SYT9: variants seen among roughly 807,000 people sequenced by gnomAD.
SYT9 encodes synaptotagmin-9.
SYT9 carries 22 observed loss-of-function variants against 48.4 expected under a neutral mutation model. The observed-to-expected ratio is 0.45, with a 90% CI of 0.32 to 0.65. The LOEUF is 0.65. Ranked by LOEUF, SYT9 falls within the 30% of genes least tolerant of loss-of-function variation. The pLI is 0.03. For missense variants in SYT9, 577 were observed against 622.0 expected (o/e 0.93, Z 0.77); for synonymous variants, 265 against 245.0 (o/e 1.08, Z -0.76).
intron 3 of SYT9, among the ~76,000 whole-genome samples, chr11:7,355,096 A>G (rs1044242830): frequency 1.3e-5 from 2 of 152,206 alleles, no homozygotes; most frequent in African/African-American, 4.8e-5. Context: ...GTACGTTTCC[A>G]TAGGTTTTCT....
chr11:7,331,547 C>CA (rs57712698), intron 3 of SYT9, among the ~76,000 whole-genome samples: 8 of 149,998 alleles, frequency 5.3e-5, no homozygotes, highest in Admixed American at 2.6e-4. Context: ...CCGTTTCTAC[C>CA]AAAAAAAAAT....
At chr11:7,446,962 G>A (rs763227312) in intron 6 of SYT9, among the ~76,000 whole-genome samples, 1 of 152,242 alleles carries the variant, frequency 6.6e-6, no homozygotes, top group Non-Finnish European at 1.5e-5. Flanking sequence ...CGCCAGGGCT[G>A]TCCACCTCAG....
chr11:7,323,157 G>A (rs1254459569), intron 3 of SYT9, among the ~76,000 whole-genome samples: 1 of 151,886 alleles, frequency 6.6e-6, no homozygotes, highest in Non-Finnish European at 1.5e-5. Context: ...AATCTTTCTT[G>A]TATGTGTCTC....
At chr11:7,425,835 T>A (rs1364986729) in intron 6 of SYT9, among the ~76,000 whole-genome samples, 1 of 152,208 alleles carries the variant, frequency 6.6e-6, no homozygotes, top group Non-Finnish European at 1.5e-5. Context: ...CTGCAATATC[T>A]TGCCCATATG....
intron 3 of SYT9, among the ~76,000 whole-genome samples, chr11:7,368,916 C>A (rs1177848818): frequency 6.6e-6 from 1 of 151,982 alleles, no homozygotes; most frequent in South Asian, 2.1e-4. Flanking sequence ...AAGTCTTTGC[C>A]ATGGTGAATA....
At chr11:7,272,653 C>T (rs760269475) in intron 1 of SYT9, among the ~76,000 whole-genome samples, 5 of 152,108 alleles carry the variant, frequency 3.3e-5, no homozygotes, top group African/African-American at 7.2e-5. Flanking sequence ...GTGGAGGATA[C>T]AGACAAGTAA....
intron 3 of SYT9, among the ~76,000 whole-genome samples, chr11:7,351,262 G>A (rs1278582277): frequency 3.9e-5 from 6 of 152,188 alleles, no homozygotes; most frequent in South Asian, 2.1e-4. Context: ...TCTGAATGTC[G>A]TTTGGGGCAG....
chr11:7,303,415 A>G, intron 2 of SYT9, 25 bp downstream of exon 2: 1 of 1,564,618 alleles, frequency 6.4e-7, no homozygotes, highest in Non-Finnish European at 8.7e-7. Context: ...CTCCTTTCTG[A>G]ATGCAAGGAA....
intron 3 of SYT9, among the ~76,000 whole-genome samples, chr11:7,394,871 G>T (rs959111787): frequency 6.6e-6 from 1 of 151,946 alleles, no homozygotes; most frequent in East Asian, 1.9e-4. Flanking sequence ...TGGGTATGTT[G>T]TTTCTCCGTT....
At chr11:7,331,955 G>A (rs1849541894) in intron 3 of SYT9, among the ~76,000 whole-genome samples, 1 of 152,178 alleles carries the variant, frequency 6.6e-6, no homozygotes, top group African/African-American at 2.4e-5. Context: ...CTAAGAGGTG[G>A]ATAGTAAAAT....
rs967642304 is a variant in SYT9 at position 7,252,915 on chromosome 11, C to A, written c.145+584C>A. On this transcript the variant is annotated intron_variant, in intron 1 of 6. Coordinates refer to ENST00000318881, the MANE Select transcript of SYT9 (RefSeq NM_175733.4). This position sits in a 1 kb window ranked among gnomAD's most constrained non-coding sequence, Gnocchi z 6.3. ...CAGACGGGCCTGAACCCGTTCCCGG[C>A]GGGTCGCACGGCATGGAGGTGGCCT... 2.0e-5 allele frequency among the ~76,000 whole-genome samples: 3 copies of A among 152,340 alleles called. 1 individual carries two copies. Among genetic ancestry groups the A allele is most frequent in the Admixed American group, 1.3e-4 (2 of 15,308 alleles).
chr11:7,389,756 T>C (rs902266472), intron 3 of SYT9, among the ~76,000 whole-genome samples: 10 of 152,046 alleles, frequency 6.6e-5, no homozygotes, highest in African/African-American at 2.4e-4. Flanking sequence ...GTTATCCAGA[T>C]AACTTTTGGA....
intron 1 of SYT9, among the ~76,000 whole-genome samples, chr11:7,277,300 G>A (rs556156722): frequency 1.4e-4 from 21 of 152,140 alleles, no homozygotes; most frequent in African/African-American, 4.8e-4. Flanking sequence ...TCAAGTTATG[G>A]CATAAAATTA....
rs191821462 is a variant in SYT9, at chr11:7,265,927, T to C, written c.145+13596T>C. Reference sequence around the variant, plus strand: ...TAGGCCATGAGGTTAGAGAATAACATGGTTGCTTGATTCCTGTAGGCTATA... The same window carrying C: ...TAGGCCATGAGGTTAGAGAATAACACGGTTGCTTGATTCCTGTAGGCTATA... On this transcript the variant is annotated intron_variant, in intron 1 of 6. Coordinates refer to ENST00000318881, the MANE Select transcript of SYT9 (RefSeq NM_175733.4). Among the ~76,000 whole-genome samples, 5 of 152,238 alleles carry C rather than the reference T, an allele frequency of 3.3e-5. No individual in the cohort carries two copies. In the East Asian group the frequency reaches 5.8e-4, roughly 18 times the overall value.
chr11:7,275,681 T>C (rs1478563005), intron 1 of SYT9, among the ~76,000 whole-genome samples: 2 of 152,192 alleles, frequency 1.3e-5, no homozygotes, highest in Non-Finnish European at 2.9e-5. Context: ...GACCTGTATA[T>C]CTAGCCACCT....
intron 6 of SYT9, among the ~76,000 whole-genome samples, chr11:7,458,817 T>A (rs1015296871): frequency 1.3e-5 from 2 of 152,214 alleles, no homozygotes; most frequent in Admixed American, 6.5e-5. Context: ...CTCAGGTAAC[T>A]GGAACCCAGT....
chr11:7,356,421 T>C (rs1277143141), intron 3 of SYT9, among the ~76,000 whole-genome samples: 2 of 152,234 alleles, frequency 1.3e-5, no homozygotes. Context: ...TAGCAACCTG[T>C]GCCTGGCTTG....
chr11:7,402,268 T>C (rs182104837), intron 3 of SYT9, among the ~76,000 whole-genome samples: 7 of 152,200 alleles, frequency 4.6e-5, no homozygotes, highest in Admixed American at 2.0e-4. Context: ...ATGTTCAGTA[T>C]ACACTTGAAA....
chr11:7,417,162 G>GTT (rs1399043461), intron 4 of SYT9, among the ~76,000 whole-genome samples: 2 of 138,326 alleles, frequency 1.4e-5, no homozygotes. Context: ...ATATCCCAGT[G>GTT]TTTTTGTTTT....
Sources: allele counts gnomAD v4.1 joint callset (sites outside exome capture counted in the v4.1 genomes callset), GRCh38; gene constraint gnomAD v4.1.1; non-coding constraint Gnocchi (gnomAD v3.1); transcripts MANE v1.5; gene names NCBI Gene and HGNC (gene_info 2026-07-23, HGNC 2026-07-21).